The following PPP2R1B variants were observed in gnomAD, a reference collection of about 807,000 sequenced individuals.
The protein encoded by PPP2R1B is serine/threonine-protein phosphatase 2A 65 kDa regulatory subunit A beta isoform.
In PPP2R1B, 58 loss-of-function variants were observed where a neutral mutation model predicts 72.7. The ratio of observed to expected loss-of-function variants is 0.80; its 90% CI spans 0.65 to 0.99. The LOEUF (loss-of-function observed/expected upper bound fraction) is 0.99. Among genes scored for constraint, PPP2R1B ranks in the 50% least tolerant of loss-of-function variants. The pLI, the probability that PPP2R1B is intolerant of heterozygous loss-of-function variation, is 0.00. For synonymous variants in PPP2R1B, 256 were observed against 264.6 expected (o/e 0.97, Z 0.32); for missense variants, 695 against 733.6 (o/e 0.95, Z 0.61).
the PPP2R1B span, among the ~76,000 whole-genome samples, chr11:111,699,187 A>C: frequency 5.3e-5 from 8 of 152,124 alleles, no homozygotes; most frequent in African/African-American, 1.4e-4. Context: ...CCCTGGCACC[A>C]CCTTTGCCTC....
At chr11:111,742,465 A>G in intron 13 of PPP2R1B, 58 bp downstream of exon 13, 1 of 1,551,572 alleles carries the variant, frequency 6.4e-7, no homozygotes, top group East Asian at 2.3e-5. Context: ...ATTACTCCCC[A>G]CTATAAGGTA....
chr11:111,741,935 T>C, intron 14 of PPP2R1B, 118 bp downstream of exon 14: 6 of 946,444 alleles, frequency 6.3e-6, no homozygotes, highest in Non-Finnish European at 1.0e-5. Flanking sequence ...AGGAACTTAC[T>C]ACCCTCCCTG....
the PPP2R1B span, chr11:111,719,768 C>A: frequency 1.2e-6 from 2 of 1,610,818 alleles, no homozygotes; most frequent in South Asian, 1.1e-5. Context: ...TCTCCCCTGG[C>A]GTTTAGGTCA....
Position 111,740,280 on chromosome 11 carries a change from C to T in PPP2R1B, c.*1316G>A, listed in dbSNP as rs567003334. ...TGGCCCAGGCTAGAGTGCAGTGGCG[C>T]GATCTCGGCTCAGTGCAACCTCTAC... On this transcript the variant is annotated 3_prime_UTR_variant, in exon 15 of 15. Coordinates refer to ENST00000527614, the MANE Select transcript of PPP2R1B (RefSeq NM_002716.5). The T allele has an allele frequency of 1.9e-5, 18 of 946,190 alleles. No individual in the cohort carries two copies. The South Asian group carries it at 3.9e-4, about 21-fold the overall frequency. 58.6% of individuals were successfully genotyped at this position (946,190 alleles called of 1,614,324 possible). A position where few individuals can be genotyped will look rare whatever the true frequency, so the allele number is the denominator to read the frequency against.
chr11:111,746,245 T>C (rs1944699330), intron 11 of PPP2R1B, among the ~76,000 whole-genome samples: 1 of 150,800 alleles, frequency 6.6e-6, no homozygotes, highest in South Asian at 2.1e-4. Flanking sequence ...AATGACAGAC[T>C]GGATAAAGAA....
the PPP2R1B span, among the ~76,000 whole-genome samples, chr11:111,709,132 A>G: frequency 2.0e-5 from 3 of 152,210 alleles, no homozygotes; most frequent in Admixed American, 6.5e-5. Flanking sequence ...AATCAGGATG[A>G]GGGTGCCATG....
Position 111,739,823 on chromosome 11 carries a change from G to A in PPP2R1B, c.*1773C>T. ...ATAATAGCATAAGATATTAAAATGA[G>A]AATATAGAAAAAGATTTGTGCTTAG... On this transcript the variant is annotated 3_prime_UTR_variant, in exon 15 of 15. Coordinates refer to ENST00000527614, the MANE Select transcript of PPP2R1B (RefSeq NM_002716.5). The A allele has an allele frequency of 1.0e-6, 1 of 970,924 alleles. No individual in the cohort carries two copies. Among genetic ancestry groups the A allele is most frequent in the East Asian group, 1.1e-4 (1 of 8,738 alleles). The allele number at this position is 970,924 out of a possible 1,614,324, so 60.1% of individuals were successfully genotyped here. A position where few individuals can be genotyped will look rare whatever the true frequency, so the allele number is the denominator to read the frequency against.
chr11:111,688,272 C>T, the PPP2R1B span: 4 of 1,054,984 alleles, frequency 3.8e-6, no homozygotes, highest in Non-Finnish European at 5.6e-6. This position sits in a 1 kb window ranked among gnomAD's most constrained non-coding sequence, Gnocchi z 4.2. Flanking sequence ...CTGATGACAT[C>T]AGGCTATCTC....
downstream of PPP2R1B, chr11:111,722,514 C>T: frequency 1.4e-6 from 1 of 709,892 alleles, no homozygotes; most frequent in Non-Finnish European, 2.3e-6. This position sits in a 1 kb window ranked among gnomAD's most constrained non-coding sequence, Gnocchi z 4.4. Context: ...GATGCTCTTT[C>T]AGGGTCTCAG....
rs1944489688 is a variant in PPP2R1B at position 111,740,753 on chromosome 11, A to G, written c.*843T>C. On this transcript the variant is annotated 3_prime_UTR_variant, in exon 15 of 15. Transcript: ENST00000527614. ...AGCAGAGCCAGGTAAAGAACAGGAA[A>G]TCTGCACAGTATTATCCCTGTGGTT... is the stretch of plus-strand genomic sequence containing the variant. 1 of 985,450 alleles carries G rather than the reference A, an allele frequency of 1.0e-6. No homozygotes were observed. The allele number at this position is 985,450 out of a possible 1,614,324, so 61.0% of individuals were successfully genotyped here. A position where few individuals can be genotyped will look rare whatever the true frequency, so the allele number is the denominator to read the frequency against.
At chr11:111,705,297 C>T in the PPP2R1B span, among the ~76,000 whole-genome samples, 7 of 152,180 alleles carry the variant, frequency 4.6e-5, no homozygotes, top group African/African-American at 1.2e-4. This position sits in a 1 kb window ranked among gnomAD's most constrained non-coding sequence, Gnocchi z 4.3. Context: ...AATGTTTTAG[C>T]ACTTCCTCAT....
chr11:111,757,725 C>G (rs1012826731), intron 5 of PPP2R1B, among the ~76,000 whole-genome samples: 16 of 151,462 alleles, frequency 1.1e-4, no homozygotes, highest in Admixed American at 7.3e-4. Flanking sequence ...ATTCCAGCTA[C>G]TCAGGAAGCT....
chr11:111,736,822 C>T (rs974622018), downstream of PPP2R1B, among the ~76,000 whole-genome samples: 16 of 152,190 alleles, frequency 1.1e-4, 1 homozygote, highest in African/African-American at 2.7e-4. Flanking sequence ...ATGAACTAAA[C>T]GCAGTCTGGC....
At position 111,739,298 on chromosome 11, in the gene PPP2R1B, T is replaced by A. The variant is rs1288165087; in HGVS notation, c.*2298A>T. 3 of 977,410 alleles carry A rather than the reference T, an allele frequency of 3.1e-6. No individual in the cohort carries two copies. The African/African-American group carries it at 5.3e-5, about 17-fold the overall frequency. 60.5% of individuals were successfully genotyped at this position (977,410 alleles called of 1,614,324 possible). A position where few individuals can be genotyped will look rare whatever the true frequency, so the allele number is the denominator to read the frequency against. ...CCTTACAGAGCTCCTAAAGCCTATA[T>A]TCCAGTGAAATCAAGATAGGAGAAC... On this transcript the variant is annotated 3_prime_UTR_variant, in exon 15 of 15. Transcript: ENST00000527614.
intron 11 of PPP2R1B, among the ~76,000 whole-genome samples, chr11:111,745,910 G>C (rs1944688178): frequency 6.6e-6 from 1 of 152,170 alleles, no homozygotes. Flanking sequence ...AAGCAAAAAA[G>C]CTCCTGTGAT....
At chr11:111,692,891 A>G in the PPP2R1B span, among the ~76,000 whole-genome samples, 2 of 152,144 alleles carry the variant, frequency 1.3e-5, no homozygotes, top group African/African-American at 2.4e-5. Flanking sequence ...GCCATCTTGT[A>G]TATTGAAATT....
chr11:111,704,646 C>T, the PPP2R1B span, among the ~76,000 whole-genome samples: 1 of 152,196 alleles, frequency 6.6e-6, no homozygotes. Flanking sequence ...CCTTACACCA[C>T]CGTTACAGCT....
the PPP2R1B span, among the ~76,000 whole-genome samples, chr11:111,708,855 C>T: frequency 6.6e-6 from 1 of 152,098 alleles, no homozygotes; most frequent in South Asian, 2.1e-4. Context: ...CCCAAAGTGT[C>T]GGGATTGCAG....
At chr11:111,689,574 T>C in the PPP2R1B span, among the ~76,000 whole-genome samples, 1 of 152,114 alleles carries the variant, frequency 6.6e-6, no homozygotes, top group Admixed American at 6.6e-5. Flanking sequence ...ATGGTGGTGT[T>C]TTGTTCTAAG....
Sources: allele counts gnomAD v4.1 joint callset (sites outside exome capture counted in the v4.1 genomes callset), GRCh38; gene constraint gnomAD v4.1.1; non-coding constraint Gnocchi (gnomAD v3.1); transcripts MANE v1.5; gene names NCBI Gene and HGNC (gene_info 2026-07-23, HGNC 2026-07-21).